The following MAN2A1 variants were observed in gnomAD, a reference collection of about 807,000 sequenced individuals.
The protein encoded by MAN2A1 is mannosidase alpha class 2A member 1, also known as alpha-mannosidase 2.
A neutral mutation model predicts 142.6 loss-of-function variants in MAN2A1; 76 were observed. The ratio of observed to expected loss-of-function variants is 0.53; its 90% CI spans 0.44 to 0.65. The LOEUF is 0.65. Among genes scored for constraint, MAN2A1 ranks in the 30% least tolerant of loss-of-function variants. The pLI is 0.00. For missense variants in MAN2A1, 1,311 were observed against 1,365.1 expected (o/e 0.96, Z 0.62); for synonymous variants, 559 against 473.2 (o/e 1.18, Z -2.35).
At chr5:109,694,364 A>G (rs1455426388) in intron 1 of MAN2A1, among the ~76,000 whole-genome samples, 2 of 149,868 alleles carry the variant, frequency 1.3e-5, no homozygotes, top group East Asian at 2.0e-4. Context: ...TCTTTGGGAT[A>G]GGGTTTTGCT....
intron 4 of MAN2A1, among the ~76,000 whole-genome samples, chr5:109,753,229 C>T (rs1054425696): frequency 7.9e-5 from 12 of 152,252 alleles, no homozygotes; most frequent in South Asian, 6.2e-4. Flanking sequence ...CGAAGCATAA[C>T]GCATAAGGGG....
intron 12 of MAN2A1, among the ~76,000 whole-genome samples, chr5:109,805,069 A>G (rs1359595549): frequency 1.3e-5 from 2 of 152,184 alleles, no homozygotes; most frequent in African/African-American, 4.8e-5. Flanking sequence ...GAAAATGGCT[A>G]CAGATGTGAT....
intron 1 of MAN2A1, among the ~76,000 whole-genome samples, chr5:109,708,720 G>A (rs1056125423): frequency 7.2e-5 from 11 of 152,292 alleles, no homozygotes; most frequent in African/African-American, 2.4e-4. Flanking sequence ...GTCCAAGGTG[G>A]AAGGTGCAAG....
intron 16 of MAN2A1, among the ~76,000 whole-genome samples, chr5:109,832,545 A>C (rs926176773): frequency 1.3e-5 from 2 of 152,206 alleles, no homozygotes; most frequent in African/African-American, 4.8e-5. Context: ...TTAGTACAGC[A>C]CAAAATGGAG....
chr5:109,789,063 C>T lies in MAN2A1; in HGVS notation c.1875+15C>T. 1 of 1,268,226 alleles carries T rather than the reference C, an allele frequency of 7.9e-7. No homozygotes were observed. Among genetic ancestry groups the T allele is most frequent in the Non-Finnish European group, 1.1e-6 (1 of 882,758 alleles). The allele number at this position is 1,268,226 out of a possible 1,614,324, so 78.6% of individuals were successfully genotyped here. A position where few individuals can be genotyped will look rare whatever the true frequency, so the allele number is the denominator to read the frequency against. On this transcript the variant is annotated intron_variant, in intron 11 of 21. Coordinates refer to ENST00000261483, the MANE Select transcript of MAN2A1 (RefSeq NM_002372.4). The stretch of plus-strand genomic sequence containing the variant: ...TCCTGGAGATGGTTAGTAATTTCAT[C>T]TATGGTCATCATAAAAATGTGTAAT...
At chr5:109,839,023 A>C (rs1755128414) in intron 16 of MAN2A1, among the ~76,000 whole-genome samples, 1 of 152,160 alleles carries the variant, frequency 6.6e-6, no homozygotes, top group African/African-American at 2.4e-5. Context: ...ATTTCATTTC[A>C]TGTATTCTGT....
chr5:109,720,438 A>G (rs1751569013), intron 3 of MAN2A1, among the ~76,000 whole-genome samples: 1 of 152,202 alleles, frequency 6.6e-6, no homozygotes, highest in South Asian at 2.1e-4. Context: ...ATAATTATGT[A>G]TCCTCTAAAA....
intron 8 of MAN2A1, among the ~76,000 whole-genome samples, chr5:109,777,866 C>T (rs1340290098): frequency 6.6e-6 from 1 of 152,040 alleles, no homozygotes; most frequent in Non-Finnish European, 1.5e-5. Flanking sequence ...AATGAGACTG[C>T]ATTTGTGTGT....
intron 7 of MAN2A1, among the ~76,000 whole-genome samples, chr5:109,770,844 A>G (rs185784601): frequency 3.3e-4 from 51 of 152,276 alleles, no homozygotes; most frequent in African/African-American, 1.1e-3. Flanking sequence ...GATTGATTTC[A>G]TATACTTTTG....
intron 4 of MAN2A1, among the ~76,000 whole-genome samples, chr5:109,739,803 T>A (rs2112603595): frequency 6.6e-6 from 1 of 152,298 alleles, no homozygotes; most frequent in Non-Finnish European, 1.5e-5. Flanking sequence ...AAGTGGTCTC[T>A]CACCCAAGGA....
At chr5:109,758,311 C>T (rs1341294928) in intron 5 of MAN2A1, among the ~76,000 whole-genome samples, 1 of 151,910 alleles carries the variant, frequency 6.6e-6, no homozygotes, top group Non-Finnish European at 1.5e-5. Flanking sequence ...ATATCAGCTG[C>T]GTATAGATCT....
At chr5:109,737,702 T>G (rs191180839) in intron 4 of MAN2A1, among the ~76,000 whole-genome samples, 1 of 152,244 alleles carries the variant, frequency 6.6e-6, no homozygotes, top group African/African-American at 2.4e-5. Flanking sequence ...CTCTAAAACT[T>G]CATTAGTGAT....
intron 3 of MAN2A1, 39 bp from the exon 4 acceptor site, chr5:109,729,303 C>G: frequency 7.2e-7 from 1 of 1,387,624 alleles, no homozygotes; most frequent in Non-Finnish European, 9.9e-7. Flanking sequence ...ATCAGCCATA[C>G]GAATTAGACC....
At chr5:109,842,208 TAAGAC>T (rs778447229) in intron 16 of MAN2A1, 115 bp from the exon 17 acceptor site, 87 of 592,310 alleles carry the variant, frequency 1.5e-4, no homozygotes, top group Non-Finnish European at 2.1e-4. Context: ...TGAGAGATGT[TAAGAC>T]AAGAAGTAGA....
intron 19 of MAN2A1, among the ~76,000 whole-genome samples, chr5:109,851,940 C>G (rs1755492087): frequency 6.6e-6 from 1 of 151,872 alleles, no homozygotes; most frequent in Non-Finnish European, 1.5e-5. Context: ...ACTTAGGTGA[C>G]CAGAAGATCT....
chr5:109,690,057 C>A lies in MAN2A1; in HGVS notation c.-361C>A. ...ACTTTTCCTGCCGACTCAGTTGGGGCGGCGGTGGCAGGAAGTGCGGGCAGC... is the reference window on the plus strand; with the variant it reads ...ACTTTTCCTGCCGACTCAGTTGGGGAGGCGGTGGCAGGAAGTGCGGGCAGC... On this transcript the variant is annotated 5_prime_UTR_variant, in exon 1 of 22. Transcript: ENST00000261483. 1 of 230,034 alleles carries A rather than the reference C, an allele frequency of 4.3e-6. No homozygotes were observed. Among genetic ancestry groups the A allele is most frequent in the South Asian group, 6.0e-5 (1 of 16,530 alleles). 14.2% of individuals were successfully genotyped at this position (230,034 alleles called of 1,614,324 possible). A position where few individuals can be genotyped will look rare whatever the true frequency, so the allele number is the denominator to read the frequency against.
At chr5:109,755,163 A>G (rs963828674) in intron 4 of MAN2A1, among the ~76,000 whole-genome samples, 166 bp from the exon 5 acceptor site, 5 of 152,192 alleles carry the variant, frequency 3.3e-5, no homozygotes, top group Non-Finnish European at 7.3e-5. Flanking sequence ...TGCTATCATG[A>G]GGTCTTGAAG....
chr5:109,792,432 G>A (rs566334244), intron 12 of MAN2A1, among the ~76,000 whole-genome samples: 1 of 151,702 alleles, frequency 6.6e-6, no homozygotes, highest in African/African-American at 2.4e-5. Context: ...AATTTCCTAT[G>A]CCCCTTATTT....
chr5:109,850,374 A>G (rs1272161443), intron 19 of MAN2A1, among the ~76,000 whole-genome samples: 1 of 152,038 alleles, frequency 6.6e-6, no homozygotes. Context: ...ATTTGTCCTT[A>G]TATTTGGTAG....
Sources: gnomAD v4.1 joint callset for allele counts (sites outside exome capture counted in the v4.1 genomes callset) on GRCh38, gnomAD v4.1.1 for gene constraint, MANE v1.5 for transcripts, NCBI Gene and HGNC (gene_info 2026-07-23, HGNC 2026-07-21) for gene names.